CCDC88A: variants seen among roughly 807,000 people sequenced by gnomAD.
CCDC88A encodes coiled-coil and HOOK domain protein 88A, also known as girdin.
A neutral mutation model predicts 234.3 loss-of-function variants in CCDC88A; 54 were observed. The ratio of observed to expected loss-of-function variants is 0.23; its 90% CI spans 0.19 to 0.29. The LOEUF (loss-of-function observed/expected upper bound fraction) is 0.29, where lower values mean the gene tolerates loss of function less well. Among genes scored for constraint, CCDC88A ranks in the 10% least tolerant of loss-of-function variants. CCDC88A has a pLI of 1.00. For missense variants in CCDC88A, 1,832 were observed against 2,123.4 expected, an observed-to-expected ratio of 0.86 and a Z score of 2.70; for synonymous variants, 753 against 737.8, an observed-to-expected ratio of 1.02 and a Z score of -0.33.
At chr2:55,411,167 A>T (rs1680423604) in intron 2 of CCDC88A, among the ~76,000 whole-genome samples, 1 of 152,192 alleles carries the variant, frequency 6.6e-6, no homozygotes, top group Non-Finnish European at 1.5e-5. Context: ...ATTTCTGAAT[A>T]TTGAAAACTT....
intron 7 of CCDC88A, among the ~76,000 whole-genome samples, chr2:55,360,737 T>G (rs1410432875): frequency 1.3e-5 from 2 of 152,222 alleles, no homozygotes; most frequent in African/African-American, 4.8e-5. Context: ...TCAAACTTTT[T>G]TTTTGAGATG....
intron 5 of CCDC88A, 59 bp downstream of exon 5, chr2:55,372,393 T>C: frequency 1.2e-6 from 1 of 831,110 alleles, no homozygotes. Flanking sequence ...AACTACAGCC[T>C]GATAAAAATA....
intron 2 of CCDC88A, among the ~76,000 whole-genome samples, chr2:55,399,136 G>C (rs1287802322): frequency 6.6e-6 from 1 of 152,036 alleles, no homozygotes; most frequent in Admixed American, 6.6e-5. Context: ...ACCACTATCA[G>C]GAAGTCATAG....
chr2:55,419,002 G>T lies in CCDC88A; in HGVS notation c.63+15C>A, dbSNP rs774208852. 2.5e-6 allele frequency: 4 copies of T among 1,608,886 alleles called. No individual in the cohort carries two copies. In the African/African-American group the frequency reaches 5.4e-5, roughly 22 times the overall value. ...ATAACTCAGCAAAATATACAATAAA[G>T]GACACCCCACTTACCCAAGTGACCA... On this transcript the variant is annotated intron_variant, in intron 1 of 32. Transcript: ENST00000436346.
At chr2:55,364,585 CAT>C (rs1224260916) in intron 5 of CCDC88A, among the ~76,000 whole-genome samples, 3 of 152,016 alleles carry the variant, frequency 2.0e-5, no homozygotes, top group Non-Finnish European at 4.4e-5. Flanking sequence ...ACATTTATAA[CAT>C]AATCTAATAA....
chr2:55,401,792 T>C (rs749564551), intron 2 of CCDC88A, among the ~76,000 whole-genome samples: 2 of 151,890 alleles, frequency 1.3e-5, no homozygotes, highest in Non-Finnish European at 2.9e-5. Flanking sequence ...TAAGTTACCT[T>C]TTCGAAAGTT....
Position 55,317,544 on chromosome 2 carries a change from A to C in CCDC88A, c.3602+20T>G. The C allele has an allele frequency of 6.6e-7, 1 of 1,511,144 alleles. No individual in the cohort carries two copies. The highest frequency in any genetic ancestry group is 1.3e-5 in the South Asian group (1 of 74,106). The allele number at this position is 1,511,144 out of a possible 1,614,324, so 93.6% of individuals were successfully genotyped here. The stretch of plus-strand genomic sequence containing the variant: ...AAAATTCATTTTAAATTCACAGTAC[A>C]ACAAAATATAATAAATTACCGGTCT... On this transcript the variant is annotated intron_variant, in intron 20 of 32. Coordinates refer to ENST00000436346, the MANE Select transcript of CCDC88A (RefSeq NM_001365480.1). The surrounding 1 kb of genome is among the most constrained non-coding windows in gnomAD (Gnocchi z 4.2).
Position 55,334,182 on chromosome 2 carries a change from C to A in CCDC88A, c.2639G>T (p.Cys880Phe), listed in dbSNP as rs1685235967. The A allele has an allele frequency of 7.2e-7, 1 of 1,385,396 alleles. No homozygotes were observed. Among genetic ancestry groups the A allele is most frequent in the East Asian group, 2.7e-5 (1 of 37,616 alleles). The allele number at this position is 1,385,396 out of a possible 1,614,324, so 85.8% of individuals were successfully genotyped here. The change falls in exon 15 of 33, where the codon TGT becomes TTT. Residue 880 changes from cysteine (C) to phenylalanine (F), a missense_variant. Physicochemically the swap from Cys to Phe is radical, Grantham distance 205. Coordinates refer to ENST00000436346, the MANE Select transcript of CCDC88A (RefSeq NM_001365480.1). This position sits in a 1 kb window ranked among gnomAD's most constrained non-coding sequence, Gnocchi z 6.1. ...SKEIGIYKES[C>F]VRLKELEKEN... is the part of the protein sequence containing the mutation. Reference sequence around the variant, plus strand: ...TTTTTCTAGTTCTTTCAGACGGACACAAGATTCTTTATATATACCAATTTC... The same window carrying A: ...TTTTTCTAGTTCTTTCAGACGGACAAAAGATTCTTTATATATACCAATTTC...
intron 11 of CCDC88A, 116 bp from the exon 12 acceptor site, chr2:55,343,908 T>A: frequency 1.1e-6 from 1 of 884,880 alleles, no homozygotes; most frequent in Non-Finnish European, 1.6e-6. Flanking sequence ...AATTATGAGT[T>A]CTTTAAATTT....
chr2:55,385,546 A>C (rs1163361479), intron 3 of CCDC88A, among the ~76,000 whole-genome samples: 1 of 152,184 alleles, frequency 6.6e-6, no homozygotes, highest in Non-Finnish European at 1.5e-5. Context: ...TACTAAAAGT[A>C]GCTTTGAAAG....
At chr2:55,353,649 C>CAAAAAAAAAAAA (rs34022778) in intron 8 of CCDC88A, among the ~76,000 whole-genome samples, 1 of 77,080 alleles carries the variant, frequency 1.3e-5, no homozygotes, top group Non-Finnish European at 2.7e-5. Flanking sequence ...GAAACCAAAC[C>CAAAAAAAAAAAA]AAAAAAAAAA....
At chr2:55,352,331 G>A (rs1669992273) in intron 8 of CCDC88A, among the ~76,000 whole-genome samples, 1 of 151,906 alleles carries the variant, frequency 6.6e-6, no homozygotes, top group South Asian at 2.1e-4. Context: ...TCAGGAGGCT[G>A]AGGCAGAATC....
chr2:55,363,933 TG>T lies in CCDC88A; in HGVS notation c.486+16del. On this transcript the variant is annotated intron_variant, in intron 6 of 32. Coordinates refer to ENST00000436346, the MANE Select transcript of CCDC88A (RefSeq NM_001365480.1). ...AAGCTTCATAAATAGCACGTAAAAT[TG>T]TATATATGTCATTACCTCTTGAATA... 7.0e-7 allele frequency: 1 copy of T among 1,428,840 alleles called. No individual in the cohort carries two copies. 88.5% of individuals were successfully genotyped at this position (1,428,840 alleles called of 1,614,324 possible).
At chr2:55,382,967 G>C (rs1389634523) in intron 3 of CCDC88A, among the ~76,000 whole-genome samples, 1 of 151,556 alleles carries the variant, frequency 6.6e-6, no homozygotes, top group Non-Finnish European at 1.5e-5. Context: ...CACCACTGTA[G>C]CACCAGTACC....
intron 8 of CCDC88A, among the ~76,000 whole-genome samples, chr2:55,352,364 T>C (rs972086194): frequency 6.6e-5 from 10 of 151,642 alleles, no homozygotes; most frequent in Non-Finnish European, 1.3e-4. Flanking sequence ...GAGGCAGAGG[T>C]TGCAGTGAGC....
intron 3 of CCDC88A, among the ~76,000 whole-genome samples, chr2:55,383,958 T>G (rs1028813055): frequency 6.6e-6 from 1 of 152,094 alleles, no homozygotes; most frequent in Admixed American, 6.6e-5. Flanking sequence ...GCGAAAGTAA[T>G]TGCGCTCAAG....
chr2:55,349,741 A>T, intron 8 of CCDC88A, 142 bp from the exon 9 acceptor site: 1 of 530,280 alleles, frequency 1.9e-6, no homozygotes. Flanking sequence ...AGATAAAAAA[A>T]AAAAGATAGA....
Position 55,367,528 on chromosome 2 carries a change from G to GTTTTTTT in CCDC88A, c.403-3502_403-3496dup. Reference sequence around the variant, plus strand: ...TTGCTAGAAATTGTTTTATTTCCTTGTTTTTTTTTAAGAGACTGGGTCTTG... The same window carrying GTTTTTTT: ...TTGCTAGAAATTGTTTTATTTCCTTGTTTTTTTTTTTTTTTTAAGAGACTGGGTCTTG... On this transcript the variant is annotated intron_variant, in intron 5 of 32. Coordinates refer to ENST00000436346, the MANE Select transcript of CCDC88A (RefSeq NM_001365480.1). Among the ~76,000 whole-genome samples the GTTTTTTT allele has an allele frequency of 9.6e-4, 96 of 99,890 alleles. 18 individuals are homozygous for GTTTTTTT. Among genetic ancestry groups the GTTTTTTT allele is most frequent in the Admixed American group, 3.5e-4 (3 of 8,662 alleles). The allele number at this position is 99,890 out of a possible 152,430, so 65.5% of individuals were successfully genotyped here. A position where few individuals can be genotyped will look rare whatever the true frequency, so the allele number is the denominator to read the frequency against.
chr2:55,346,348 A>T lies in CCDC88A; in HGVS notation c.883-15T>A, dbSNP rs774446206. 11 of 1,486,588 alleles carry T rather than the reference A, an allele frequency of 7.4e-6. No individual in the cohort carries two copies. The East Asian group carries it at 2.6e-4, about 35-fold the overall frequency. The allele number at this position is 1,486,588 out of a possible 1,614,324, so 92.1% of individuals were successfully genotyped here. On this transcript the variant is annotated splice_polypyrimidine_tract_variant and intron_variant, in intron 9 of 32. Transcript: ENST00000436346. ...AAATTCATGTTCTAAACAAAAATTT[A>T]AAATTATATTTTAATTATTTTCTGT... is the stretch of plus-strand genomic sequence containing the variant.
Sources: allele counts gnomAD v4.1 joint callset (sites outside exome capture counted in the v4.1 genomes callset), GRCh38; gene constraint gnomAD v4.1.1; non-coding constraint Gnocchi (gnomAD v3.1); transcripts MANE v1.5; gene names NCBI Gene and HGNC (gene_info 2026-07-23, HGNC 2026-07-21).